SP110: variants seen among roughly 807,000 people sequenced by gnomAD.
SP110 encodes the protein interferon-induced protein 41, 30kD.
Under a neutral mutation model 92.7 loss-of-function variants are expected in SP110, and 62 were observed. That is an observed-to-expected ratio of 0.67 (90% CI 0.55 to 0.83). The LOEUF is 0.83. Ranked by LOEUF, SP110 falls within the 40% of genes least tolerant of loss-of-function variation. The pLI, the probability that SP110 is intolerant of heterozygous loss-of-function variation, is 0.00. For missense variants in SP110, 793 were observed against 863.9 expected, an observed-to-expected ratio of 0.92 and a Z score of 1.03; for synonymous variants, 273 against 305.3, an observed-to-expected ratio of 0.89 and a Z score of 1.10.
chr2:230,176,520 C>T, intron 14 of SP110: 1 of 1,563,710 alleles, frequency 6.4e-7, no homozygotes, highest in Non-Finnish European at 8.6e-7. Flanking sequence ...GCTTCCCCAT[C>T]CCAAATTAAC....
chr2:230,196,823 G>A (rs1018502881), intron 10 of SP110, among the ~76,000 whole-genome samples: 10 of 152,094 alleles, frequency 6.6e-5, no homozygotes, highest in African/African-American at 2.4e-4. Context: ...ATAGTTTGCA[G>A]AGAATGATGG....
At chr2:230,223,039 CTT>C (rs34477714), upstream of SP110, among the ~76,000 whole-genome samples, 26 of 136,726 alleles carry the variant, frequency 1.9e-4, no homozygotes, top group Admixed American at 2.2e-4. Flanking sequence ...ATCAGTCTGA[CTT>C]TTTTTTTTTT....
chr2:230,171,583 C>T, intron 17 of SP110, 113 bp downstream of exon 17: 1 of 831,648 alleles, frequency 1.2e-6, no homozygotes, highest in Non-Finnish European at 2.1e-6. Context: ...TGCTGCCACG[C>T]TGCCCTTCTC....
rs375723534 is a variant in SP110 at position 230,216,745 on chromosome 2, G to A, written c.147+36C>T. On this transcript the variant is annotated intron_variant, in intron 2 of 18. Transcript: ENST00000258381. The stretch of plus-strand genomic sequence containing the variant: ...TTTAATAATCAGGCATATTGGTGGG[G>A]GCTGGGCTGCCATGGAAGGGTTCAA... The A allele has an allele frequency of 1.1e-5, 17 of 1,612,336 alleles. No individual in the cohort carries two copies. In the South Asian group the frequency reaches 1.8e-4, roughly 17 times the overall value.
At position 230,168,962 on chromosome 2, in the gene SP110, G is replaced by T. The variant is rs536224460; in HGVS notation, c.*162C>A. The T allele has an allele frequency of 8.0e-6, 5 of 621,992 alleles. No homozygotes were observed. The highest frequency in any genetic ancestry group is 4.9e-5 in the Admixed American group (2 of 40,556). The allele number at this position is 621,992 out of a possible 1,614,324, so 38.5% of individuals were successfully genotyped here. On this transcript the variant is annotated 3_prime_UTR_variant, in exon 19 of 19. Coordinates refer to ENST00000258381, the MANE Select transcript of SP110 (RefSeq NM_080424.4). ...AGATATAGACTTTTAAAGGTAAAAA[G>T]AAAGAATAAAGATGGAGGGTGTGAT...
At chr2:230,185,904 T>C (rs1293102453) in intron 11 of SP110, 90 bp downstream of exon 11, 1 of 1,108,098 alleles carries the variant, frequency 9.0e-7, no homozygotes, top group South Asian at 1.2e-5. Flanking sequence ...CTTCTACTAT[T>C]GACTTTACAT....
At chr2:230,173,148 C>G (rs1231600888) in intron 14 of SP110, 189 bp from the exon 15 acceptor site, 3 of 590,764 alleles carry the variant, frequency 5.1e-6, no homozygotes, top group Non-Finnish European at 6.3e-6. Context: ...AGCAGAGAGT[C>G]TGGGTGGTGA....
At chr2:230,210,051 G>T in intron 6 of SP110, 43 bp from the exon 7 acceptor site, 1 of 1,210,768 alleles carries the variant, frequency 8.3e-7, no homozygotes. Context: ...CAGATCCAGT[G>T]AAGAGAAAGT....
chr2:230,217,696 G>T (rs2045374350), intron 1 of SP110, among the ~76,000 whole-genome samples: 1 of 152,192 alleles, frequency 6.6e-6, no homozygotes, highest in Non-Finnish European at 1.5e-5. Flanking sequence ...GAGAGTGGAA[G>T]AGCTGGGAGC....
At chr2:230,177,805 G>C (rs2041934917) in intron 13 of SP110, 125 bp from the exon 14 acceptor site, 1 of 1,102,174 alleles carries the variant, frequency 9.1e-7, no homozygotes, top group Admixed American at 1.7e-5. Flanking sequence ...GAGGTGGAAG[G>C]AGTAGCAGGG....
At chr2:230,206,563 G>T (rs2043825810) in intron 8 of SP110, among the ~76,000 whole-genome samples, 3 of 113,116 alleles carry the variant, frequency 2.7e-5, no homozygotes, top group Non-Finnish European at 1.8e-5. Flanking sequence ...CATATATCTG[G>T]TCCAGATATT....
intron 4 of SP110, 62 bp downstream of exon 4, chr2:230,212,699 C>T: frequency 6.3e-7 from 1 of 1,597,620 alleles, no homozygotes; most frequent in Non-Finnish European, 8.6e-7. Flanking sequence ...GGATTGGCGG[C>T]AACATGGCAC....
chr2:230,223,627 C>T (rs943405894), upstream of SP110, among the ~76,000 whole-genome samples: 1 of 152,206 alleles, frequency 6.6e-6, no homozygotes, highest in African/African-American at 2.4e-5. Context: ...TATGATCAAT[C>T]TGGGATTGGT....
intron 18 of SP110, among the ~76,000 whole-genome samples, chr2:230,169,816 A>G (rs1482242868): frequency 6.6e-6 from 1 of 152,188 alleles, no homozygotes; most frequent in African/African-American, 2.4e-5. Flanking sequence ...TTGTAAATGC[A>G]TTTCTTGGAA....
At chr2:230,212,469 T>C (rs367761551) in intron 4 of SP110, 39 bp from the exon 5 acceptor site, 2 of 1,459,574 alleles carry the variant, frequency 1.4e-6, no homozygotes, top group African/African-American at 2.8e-5. Context: ...TTGCAGGGAC[T>C]GGATGTCAGG....
intron 12 of SP110, among the ~76,000 whole-genome samples, chr2:230,178,779 A>G (rs35849510): frequency 0.1 from 15,260 of 152,230 alleles, 882 homozygotes; most frequent in Middle Eastern, 0.16. Context: ...ATAAAAGAAA[A>G]CCCTGGAGAG....
chr2:230,173,025 G>T, intron 14 of SP110, 66 bp from the exon 15 acceptor site: 1 of 1,059,918 alleles, frequency 9.4e-7, no homozygotes, highest in Non-Finnish European at 1.5e-6. Flanking sequence ...ACCCTGTGGG[G>T]TTCTAGAACA....
At chr2:230,224,070 G>A (rs2046042323), upstream of SP110, among the ~76,000 whole-genome samples, 1 of 152,178 alleles carries the variant, frequency 6.6e-6, no homozygotes, top group Non-Finnish European at 1.5e-5. Context: ...ACAAGATAGT[G>A]GGAAATAGAA....
intron 10 of SP110, among the ~76,000 whole-genome samples, chr2:230,189,777 AGT>A (rs1312948376): frequency 2.6e-5 from 4 of 152,102 alleles, no homozygotes; most frequent in Non-Finnish European, 5.9e-5. Flanking sequence ...CCCACTTATG[AGT>A]GAGAACATGC....
Sources: allele counts gnomAD v4.1 joint callset (sites outside exome capture counted in the v4.1 genomes callset), GRCh38; gene constraint gnomAD v4.1.1; transcripts MANE v1.5; gene names NCBI Gene and HGNC (gene_info 2026-07-23, HGNC 2026-07-21).